The following CALD1 variants were observed in gnomAD, a reference collection of about 807,000 sequenced individuals.
CALD1 encodes caldesmon.
In CALD1, 33 loss-of-function variants were observed where a neutral mutation model predicts 99.9. The observed-to-expected ratio is 0.33, with a 90% CI of 0.25 to 0.44. The LOEUF is 0.44. CALD1 is among the 20% of genes least tolerant of loss of function. The pLI, the probability that CALD1 is intolerant of heterozygous loss-of-function variation, is 1.00. For synonymous variants in CALD1, 310 were observed against 325.0 expected, an observed-to-expected ratio of 0.95 and a Z score of 0.50; for missense variants, 861 against 962.1, an observed-to-expected ratio of 0.89 and a Z score of 1.39.
intron 1 of CALD1, among the ~76,000 whole-genome samples, chr7:134,842,363 T>G (rs1051419680): frequency 2.0e-5 from 3 of 152,262 alleles, no homozygotes; most frequent in Non-Finnish European, 4.4e-5. Context: ...AATGAAATAA[T>G]GTGTGCAATG....
intron 3 of CALD1, among the ~76,000 whole-genome samples, chr7:134,912,017 G>A (rs1014747439): frequency 6.6e-6 from 1 of 152,028 alleles, no homozygotes; most frequent in Non-Finnish European, 1.5e-5. Context: ...ACAGATAAGC[G>A]GGGTCTCGGT....
At chr7:134,930,276 G>A (rs1936104171) in intron 4 of CALD1, among the ~76,000 whole-genome samples, 1 of 152,154 alleles carries the variant, frequency 6.6e-6, no homozygotes, top group South Asian at 2.1e-4. Context: ...GGTTCATTAT[G>A]CTAATGGTTA....
chr7:134,835,170 A>G (rs1202629050), intron 1 of CALD1, among the ~76,000 whole-genome samples: 1 of 152,206 alleles, frequency 6.6e-6, no homozygotes, highest in East Asian at 1.9e-4. Flanking sequence ...TTTCAAGGCT[A>G]CACATACTGA....
At chr7:134,754,604 ACATGTATGATATTGCT>A (rs1796712288) in intron 1 of CALD1, among the ~76,000 whole-genome samples, 2 of 152,352 alleles carry the variant, frequency 1.3e-5, no homozygotes, top group South Asian at 4.1e-4. Flanking sequence ...ACAAGAAAAT[ACATGTATGATATTGCT>A]TCATGTGTGT....
At chr7:134,825,047 A>G (rs10488462) in intron 1 of CALD1, among the ~76,000 whole-genome samples, 21,137 of 152,092 alleles carry the variant, frequency 0.14, 1,659 homozygotes, top group African/African-American at 0.21. Context: ...ACCTATGCAC[A>G]TTTTTATCAT....
intron 1 of CALD1, among the ~76,000 whole-genome samples, chr7:134,793,831 T>A (rs749896839): frequency 8.3e-4 from 125 of 150,954 alleles, no homozygotes; most frequent in Non-Finnish European, 1.5e-3. Context: ...TTTTTTTTTT[T>A]AAACCTTTTA....
In CALD1 at chr7:134,962,245, T is replaced by G. The variant is rs189772895; in HGVS notation, c.2295+1617T>G. 4 of 151,910 alleles carry G rather than the reference T, an allele frequency of 2.6e-5. No homozygotes were observed. In the East Asian group the frequency reaches 7.7e-4, roughly 29 times the overall value. 9.4% of individuals were successfully genotyped at this position (151,910 alleles called of 1,614,324 possible). ...AAAGTTTACCATCATCTGTATGACATCCTAATGAGGTTAAAAAGATAAAAT... is the reference window on the plus strand; with the variant it reads ...AAAGTTTACCATCATCTGTATGACAGCCTAATGAGGTTAAAAAGATAAAAT... On this transcript the variant is annotated intron_variant, in intron 13 of 14. Coordinates refer to ENST00000361675, the MANE Select transcript of CALD1 (RefSeq NM_033138.4).
chr7:134,856,928 G>A (rs947241501), intron 2 of CALD1, among the ~76,000 whole-genome samples: 1 of 152,214 alleles, frequency 6.6e-6, no homozygotes, highest in Non-Finnish European at 1.5e-5. Context: ...CTCAACAAGT[G>A]TGAGCCTAAT....
At chr7:134,785,816 AT>A (rs1486883388) in intron 1 of CALD1, among the ~76,000 whole-genome samples, 1 of 152,194 alleles carries the variant, frequency 6.6e-6, no homozygotes, top group Non-Finnish European at 1.5e-5. Context: ...ATCTTCTAAT[AT>A]TTGGGGTACT....
chr7:134,949,934 C>T (rs1198409744), intron 8 of CALD1, among the ~76,000 whole-genome samples: 1 of 151,742 alleles, frequency 6.6e-6, no homozygotes, highest in Non-Finnish European at 1.5e-5. Context: ...ACAAAAAGGT[C>T]TCATAATGTT....
At chr7:134,726,807 G>A in the CALD1 span, among the ~76,000 whole-genome samples, 1 of 152,124 alleles carries the variant, frequency 6.6e-6, no homozygotes, top group Non-Finnish European at 1.5e-5. Flanking sequence ...GGACAAATGA[G>A]GCCTGGCAGC....
At chr7:134,789,484 A>G (rs2131742028) in intron 1 of CALD1, among the ~76,000 whole-genome samples, 1 of 152,340 alleles carries the variant, frequency 6.6e-6, no homozygotes, top group South Asian at 2.1e-4. Flanking sequence ...TCTCAAATTT[A>G]CCACTTTTTT....
Position 134,806,113 on chromosome 7 carries a change from A to C in CALD1, c.-130+26364A>C, listed in dbSNP as rs1189626569. Among the ~76,000 whole-genome samples, 12 of 152,344 alleles carry C rather than the reference A, an allele frequency of 7.9e-5. No homozygotes were observed. The East Asian group carries it at 2.3e-3, about 29-fold the overall frequency. On this transcript the variant is annotated intron_variant, in intron 1 of 14. Transcript: ENST00000361675. Reference sequence around the variant, plus strand: ...TCTGAGTTGTAAGCAAAGGGTCAACATTCTGAGAAGTCTTAGGGCATTACC... The same window carrying C: ...TCTGAGTTGTAAGCAAAGGGTCAACCTTCTGAGAAGTCTTAGGGCATTACC...
chr7:134,959,661 C>A (rs558340906), intron 11 of CALD1, among the ~76,000 whole-genome samples: 2 of 152,000 alleles, frequency 1.3e-5, no homozygotes, highest in African/African-American at 2.4e-5. Flanking sequence ...CAGAGCAAGA[C>A]CCTGTCTCAA....
At chr7:134,957,137 T>C (rs1257816612) in intron 9 of CALD1, among the ~76,000 whole-genome samples, 1 of 152,204 alleles carries the variant, frequency 6.6e-6, no homozygotes, top group Admixed American at 6.5e-5. Flanking sequence ...AGATGAGCTG[T>C]GCCCCATCCT....
rs145354990 is a variant in CALD1 at position 134,941,853 on chromosome 7, T to C, written c.1532+616T>C. Among the ~76,000 whole-genome samples the C allele has an allele frequency of 1.2e-3, 182 of 152,296 alleles. 1 individual carries two copies. Among genetic ancestry groups the C allele is most frequent in the African/African-American group, 4.2e-3 (174 of 41,562 alleles). On this transcript the variant is annotated intron_variant, in intron 7 of 14. Coordinates refer to ENST00000361675, the MANE Select transcript of CALD1 (RefSeq NM_033138.4). ...TATACAGTTTGGAAAAACTCTCTTG[T>C]ATAGCTTGAGCTTTCCCCTCAACAT...
At chr7:134,923,835 C>T (rs1804790277) in intron 3 of CALD1, among the ~76,000 whole-genome samples, 1 of 152,188 alleles carries the variant, frequency 6.6e-6, no homozygotes. Context: ...TTAAAATGAG[C>T]ATACTCTTAA....
chr7:134,836,413 C>A (rs981901145), intron 1 of CALD1, among the ~76,000 whole-genome samples: 2 of 152,154 alleles, frequency 1.3e-5, no homozygotes, highest in Admixed American at 6.5e-5. Context: ...AACTTAACAT[C>A]ATGCCTTACA....
At chr7:134,764,815 T>G (rs577069974) in intron 1 of CALD1, among the ~76,000 whole-genome samples, 1 of 152,168 alleles carries the variant, frequency 6.6e-6, no homozygotes, top group South Asian at 2.1e-4. Context: ...CTGAAGTCAC[T>G]GAGGCAGGAG....
Sources: allele counts gnomAD v4.1 joint callset (sites outside exome capture counted in the v4.1 genomes callset), GRCh38; gene constraint gnomAD v4.1.1; transcripts MANE v1.5; gene names NCBI Gene and HGNC (gene_info 2026-07-23, HGNC 2026-07-21).